Variants in CPNE4 observed in about 807,000 individuals in gnomAD.
CPNE4 encodes copine 4.
CPNE4 carries 25 observed loss-of-function variants against 67.9 expected under a neutral mutation model. The observed-to-expected ratio is 0.37, with a 90% confidence interval of 0.27 to 0.51. The LOEUF (loss-of-function observed/expected upper bound fraction) is 0.51. CPNE4 is among the 20% of genes least tolerant of loss of function. CPNE4 has a pLI of 0.93. For missense variants in CPNE4, 464 were observed against 690.8 expected, an observed-to-expected ratio of 0.67 and a Z score of 3.68; for synonymous variants, 242 against 244.9, an observed-to-expected ratio of 0.99 and a Z score of 0.11.
intron 1 of CPNE4, among the ~76,000 whole-genome samples, chr3:132,029,360 C>A (rs1304327433): frequency 6.6e-6 from 1 of 152,176 alleles, no homozygotes; most frequent in Non-Finnish European, 1.5e-5. Flanking sequence ...TCAGATGCAC[C>A]TGAGAAAACC....
At chr3:131,907,465 GGAT>G (rs2088815355) in intron 1 of CPNE4, among the ~76,000 whole-genome samples, 1 of 151,512 alleles carries the variant, frequency 6.6e-6, no homozygotes, top group African/African-American at 2.4e-5. Context: ...CTCTTTTACA[GGAT>G]GATGGCTATG....
At chr3:131,706,503 C>G (rs1020563699) in intron 3 of CPNE4, among the ~76,000 whole-genome samples, 1 of 152,120 alleles carries the variant, frequency 6.6e-6, no homozygotes, top group African/African-American at 2.4e-5. Flanking sequence ...AAATTCTAAG[C>G]CCCCTGACCA....
chr3:131,929,352 C>A (rs992278163), intron 1 of CPNE4, among the ~76,000 whole-genome samples: 2 of 152,062 alleles, frequency 1.3e-5, no homozygotes, highest in Admixed American at 6.6e-5. Context: ...GACTAGAGAT[C>A]CCAGGTAAAG....
intron 1 of CPNE4, among the ~76,000 whole-genome samples, chr3:131,963,702 A>G (rs1445006862): frequency 6.6e-6 from 1 of 152,206 alleles, no homozygotes; most frequent in African/African-American, 2.4e-5. Flanking sequence ...TTCACTGGGC[A>G]GGGCATCTCT....
At chr3:131,695,025 C>A (rs934189971) in intron 5 of CPNE4, among the ~76,000 whole-genome samples, 2 of 152,182 alleles carry the variant, frequency 1.3e-5, no homozygotes, top group East Asian at 1.9e-4. Flanking sequence ...AATCATCATA[C>A]CTTGCTGAGC....
intron 7 of CPNE4, among the ~76,000 whole-genome samples, chr3:131,598,550 A>G (rs1046732387): frequency 1.3e-5 from 2 of 152,144 alleles, no homozygotes; most frequent in African/African-American, 4.8e-5. Flanking sequence ...TCCATTTTTT[A>G]TAGATGATGA....
At chr3:132,017,427 A>G (rs2073910238) in intron 1 of CPNE4, 1 of 152,116 alleles carries the variant, frequency 6.6e-6, no homozygotes, top group Admixed American at 6.6e-5. Flanking sequence ...AAAAAAGAGG[A>G]AAAGAAGGAA....
At chr3:131,848,981 A>AAAAAAAC (rs1297906130) in intron 2 of CPNE4, among the ~76,000 whole-genome samples, 11 of 141,768 alleles carry the variant, frequency 7.8e-5, no homozygotes, top group Admixed American at 3.7e-4. Context: ...AAAAAAAAAA[A>AAAAAAAC]ACACAGAGAT....
chr3:131,818,715 C>A (rs72987714), intron 2 of CPNE4, among the ~76,000 whole-genome samples: 4,824 of 152,310 alleles, frequency 0.032, 183 homozygotes, highest in South Asian at 0.094. Context: ...AATCTTTGTG[C>A]TAACTCCATG....
At chr3:131,543,015 C>G (rs1236978347) in intron 14 of CPNE4, 1 of 516,378 alleles carries the variant, frequency 1.9e-6, no homozygotes, top group African/African-American at 1.9e-5. Flanking sequence ...ATAATAACTA[C>G]CTCACTGACA....
intron 1 of CPNE4, among the ~76,000 whole-genome samples, chr3:131,974,912 G>T (rs60409944): frequency 4.6e-5 from 7 of 152,164 alleles, no homozygotes; most frequent in African/African-American, 7.2e-5. Context: ...GGAGGCTGAG[G>T]GGGGAGGATG....
At chr3:131,786,276 C>A (rs1430304207) in intron 2 of CPNE4, among the ~76,000 whole-genome samples, 2 of 151,626 alleles carry the variant, frequency 1.3e-5, no homozygotes, top group East Asian at 3.9e-4. Context: ...TCTAGTATTT[C>A]TTTGTGTTTG....
At chr3:131,997,401 T>C (rs994004635) in intron 1 of CPNE4, among the ~76,000 whole-genome samples, 5 of 152,108 alleles carry the variant, frequency 3.3e-5, no homozygotes, top group African/African-American at 1.2e-4. Context: ...TGAGAAATGG[T>C]CTACTTAAGG....
At chr3:131,992,682 G>T (rs1032335632) in intron 1 of CPNE4, among the ~76,000 whole-genome samples, 2 of 135,738 alleles carry the variant, frequency 1.5e-5, no homozygotes, top group African/African-American at 4.9e-5. Context: ...GAGGCAGAAT[G>T]ATATGGTTTG....
intron 2 of CPNE4, among the ~76,000 whole-genome samples, chr3:131,743,962 C>CAAAA (rs67791015): frequency 0.29 from 16,827 of 58,982 alleles, 4,766 homozygotes; most frequent in East Asian, 0.33. Context: ...GACTCCGTCT[C>CAAAA]AAAAAAAAAA....
chr3:131,996,555 C>T (rs887759905), intron 1 of CPNE4, among the ~76,000 whole-genome samples: 4 of 151,700 alleles, frequency 2.6e-5, no homozygotes, highest in Middle Eastern at 3.4e-3. Context: ...CTCACACCAC[C>T]AAGCCTAGCG....
chr3:131,535,309 T>C lies in CPNE4; in HGVS notation c.1560A>G (p.Ala520=). ...NFKHASPAAL[A]KSVLAEVPNQ... is the part of the protein sequence containing the mutation. ...TTGGGACTTCAGCCAGCACGCTCTT[T>C]GCCAGGGCAGCTGGAGATGCCTGCA... is the stretch of plus-strand genomic sequence containing the variant. Residue 520 remains alanine (A), a synonymous_variant, in exon 16 of 16, where the codon GCA becomes GCG. Coordinates refer to ENST00000429747, the MANE Select transcript of CPNE4 (RefSeq NM_130808.3). The C allele has an allele frequency of 6.2e-7, 1 of 1,613,600 alleles. No homozygotes were observed. Among genetic ancestry groups the C allele is most frequent in the Non-Finnish European group, 8.5e-7 (1 of 1,179,918 alleles).
At chr3:131,908,709 G>T (rs2088858548) in intron 1 of CPNE4, among the ~76,000 whole-genome samples, 2 of 152,106 alleles carry the variant, frequency 1.3e-5, no homozygotes, top group Non-Finnish European at 2.9e-5. Context: ...AGCTACGATA[G>T]AATGGGACAT....
chr3:131,753,497 G>A (rs2082680219), intron 2 of CPNE4, among the ~76,000 whole-genome samples: 1 of 152,108 alleles, frequency 6.6e-6, no homozygotes, highest in South Asian at 2.1e-4. Context: ...AATGATACAT[G>A]TAGAAGAAAT....
Sources: allele counts gnomAD v4.1 joint callset (sites outside exome capture counted in the v4.1 genomes callset), GRCh38; gene constraint gnomAD v4.1.1; transcripts MANE v1.5; gene names NCBI Gene and HGNC (gene_info 2026-07-23, HGNC 2026-07-21).